Variants in SAMD5 observed in about 807,000 individuals in gnomAD.
SAMD5 encodes sterile alpha motif domain-containing protein 5.
In SAMD5, 13 loss-of-function variants were observed where a neutral mutation model predicts 11.3. The observed-to-expected ratio is 1.15, with a 90% CI of 0.75 to 1.83. The LOEUF (loss-of-function observed/expected upper bound fraction) is 1.83, where lower values mean the gene tolerates loss of function less well. SAMD5 is among the 40% of genes most tolerant of loss of function. The probability of loss-of-function intolerance (pLI) is 0.00; values close to 1 mark genes in which losing one functional copy is unlikely to be tolerated. For missense variants in SAMD5, 255 were observed against 239.1 expected (o/e 1.07, Z -0.44); for synonymous variants, 129 against 111.3 (o/e 1.16, Z -1.00).
chr6:147,954,624 G>A, the SAMD5 span, among the ~76,000 whole-genome samples: 1 of 148,650 alleles, frequency 6.7e-6, no homozygotes, highest in Admixed American at 6.7e-5. Context: ...CCCTGTACAT[G>A]TTTACCATTT....
chr6:147,679,914 A>G (rs1441398494), intron 1 of SAMD5, among the ~76,000 whole-genome samples: 1 of 151,896 alleles, frequency 6.6e-6, no homozygotes, highest in Non-Finnish European at 1.5e-5. Flanking sequence ...TCAATTGACC[A>G]TATATTGTGG....
chr6:147,912,361 C>G, the SAMD5 span, among the ~76,000 whole-genome samples: 1 of 152,286 alleles, frequency 6.6e-6, no homozygotes, highest in African/African-American at 2.4e-5. Flanking sequence ...AAATATCCAG[C>G]CCAGTCCCCT....
chr6:147,796,810 T>C, the SAMD5 span, among the ~76,000 whole-genome samples: 1 of 151,304 alleles, frequency 6.6e-6, no homozygotes, highest in African/African-American at 2.4e-5. Context: ...TTCCTAGGTA[T>C]TTTATTCTCT....
At position 147,537,004 on chromosome 6, in the gene SAMD5, G is replaced by A. The variant is rs2128441643; in HGVS notation, c.460-27390G>A. 1.3e-5 allele frequency among the ~76,000 whole-genome samples: 2 copies of A among 152,136 alleles called. 1 individual carries two copies. The highest frequency in any genetic ancestry group is 4.1e-4 in the South Asian group (2 of 4,820). The stretch of plus-strand genomic sequence containing the variant: ...CCAAAGTGAGACAATAACTGTCTGT[G>A]GATGACAGAAACATTTTAGAGCAGC... On this transcript the variant is annotated intron_variant, in intron 1 of 1. Coordinates refer to ENST00000367474, the MANE Select transcript of SAMD5 (RefSeq NM_001030060.3).
the SAMD5 span, among the ~76,000 whole-genome samples, chr6:147,849,050 G>A: frequency 1.3e-5 from 2 of 151,950 alleles, no homozygotes; most frequent in South Asian, 2.1e-4. Flanking sequence ...AAACCTGGCT[G>A]TAGTTTGCCA....
At chr6:147,702,718 T>C (rs1242193139) in intron 1 of SAMD5, among the ~76,000 whole-genome samples, 1 of 152,176 alleles carries the variant, frequency 6.6e-6, no homozygotes, top group Non-Finnish European at 1.5e-5. Flanking sequence ...TGAGTGCTCC[T>C]AATACTGTTC....
At chr6:147,796,990 A>G in the SAMD5 span, among the ~76,000 whole-genome samples, 2 of 141,454 alleles carry the variant, frequency 1.4e-5, no homozygotes, top group African/African-American at 5.6e-5. Flanking sequence ...GGTTTTCTAG[A>G]TATACAATCA....
At chr6:147,816,302 A>AAAAAAAAAAAAAAAAAAAATC in the SAMD5 span, among the ~76,000 whole-genome samples, 1 of 43,230 alleles carries the variant, frequency 2.3e-5, no homozygotes, top group African/African-American at 1.3e-4. Context: ...AAAAAAAAAA[A>AAAAAAAAAAAAAAAAAAAATC]TATATATATA....
chr6:147,805,293 G>A, the SAMD5 span, among the ~76,000 whole-genome samples: 2 of 152,336 alleles, frequency 1.3e-5, no homozygotes, highest in Admixed American at 6.5e-5. Context: ...CCCAAGTGCA[G>A]CATAAGTCTT....
intron 1 of SAMD5, among the ~76,000 whole-genome samples, chr6:147,666,100 G>A (rs984957778): frequency 6.6e-6 from 1 of 152,094 alleles, no homozygotes; most frequent in East Asian, 1.9e-4. Flanking sequence ...CAACATGCCT[G>A]GCTAATGTTT....
the SAMD5 span, among the ~76,000 whole-genome samples, chr6:147,901,814 A>T: frequency 1.3e-5 from 2 of 152,088 alleles, no homozygotes; most frequent in African/African-American, 4.8e-5. Flanking sequence ...AACCCTTCAT[A>T]CCCATGTCTT....
At chr6:147,573,110 G>A (rs760011021), downstream of SAMD5, among the ~76,000 whole-genome samples, 3 of 152,038 alleles carry the variant, frequency 2.0e-5, no homozygotes, top group East Asian at 1.9e-4. Context: ...TGATATATAC[G>A]GATTACATGG....
At chr6:147,872,038 A>G in the SAMD5 span, among the ~76,000 whole-genome samples, 229 of 152,346 alleles carry the variant, frequency 1.5e-3, 1 homozygote, top group East Asian at 1.2e-3. Flanking sequence ...AAGAATCATG[A>G]GCATTTCTCC....
In SAMD5 at chr6:147,668,078, C is replaced by A. The variant is rs964615577; in HGVS notation, c.163-69239C>A. Among the ~76,000 whole-genome samples, 100 of 152,238 alleles carry A rather than the reference C, an allele frequency of 6.6e-4. 2 individuals are homozygous for A. In the Middle Eastern group the frequency reaches 0.014, roughly 21 times the overall value. ...AAGAATTTCTGCCCCAAACAAAAAT[C>A]TCAAATTCATACTAAAATATATAAA... On this transcript the variant is annotated intron_variant, in intron 1 of 1. Coordinates refer to the SAMD5 transcript ENST00000566741.
intron 1 of SAMD5, among the ~76,000 whole-genome samples, chr6:147,698,671 G>C (rs1426856419): frequency 6.6e-6 from 1 of 152,202 alleles, no homozygotes; most frequent in Non-Finnish European, 1.5e-5. Flanking sequence ...AGACAGGCTA[G>C]AAGTTCTGGG....
At chr6:147,859,244 T>C in the SAMD5 span, among the ~76,000 whole-genome samples, 1 of 152,176 alleles carries the variant, frequency 6.6e-6, no homozygotes, top group South Asian at 2.1e-4. Context: ...TGATTTACTA[T>C]ATAGCCTGTC....
intron 1 of SAMD5, among the ~76,000 whole-genome samples, chr6:147,624,326 C>T (rs1235104389): frequency 6.6e-6 from 1 of 151,570 alleles, no homozygotes. Flanking sequence ...CCATCCCTAG[C>T]CCACCCCCCA....
chr6:147,843,097 C>T, the SAMD5 span, among the ~76,000 whole-genome samples: 1 of 152,206 alleles, frequency 6.6e-6, no homozygotes, highest in Non-Finnish European at 1.5e-5. Flanking sequence ...CTCTTGACCT[C>T]AGGTAATCTA....
At chr6:147,879,894 C>T in the SAMD5 span, among the ~76,000 whole-genome samples, 1 of 152,164 alleles carries the variant, frequency 6.6e-6, no homozygotes, top group East Asian at 1.9e-4. Flanking sequence ...TTTTGCACAA[C>T]ACGGACCTGA....
Sources: gnomAD v4.1 joint callset for allele counts (sites outside exome capture counted in the v4.1 genomes callset) on GRCh38, gnomAD v4.1.1 for gene constraint, MANE v1.5 for transcripts, NCBI Gene and HGNC (gene_info 2026-07-23, HGNC 2026-07-21) for gene names.